CUL1: variants seen among roughly 807,000 people sequenced by gnomAD.
CUL1 encodes the protein cullin-1.
In CUL1, 24 loss-of-function variants were observed where a neutral mutation model predicts 118.0. The ratio of observed to expected loss-of-function variants is 0.20; its 90% CI spans 0.15 to 0.29. The LOEUF (loss-of-function observed/expected upper bound fraction) is 0.29, where lower values mean the gene tolerates loss of function less well. CUL1 is among the 10% of genes least tolerant of loss of function. CUL1 has a pLI of 1.00. For synonymous variants in CUL1, 332 were observed against 340.4 expected (o/e 0.98, Z 0.27); for missense variants, 361 against 933.8 (o/e 0.39, Z 7.99).
At chr7:148,764,593 G>C (rs1799944461) in intron 7 of CUL1, among the ~76,000 whole-genome samples, 1 of 152,208 alleles carries the variant, frequency 6.6e-6, no homozygotes, top group Admixed American at 6.5e-5. Flanking sequence ...ATGTTTTGCT[G>C]CCTGAGATGA....
At chr7:148,723,265 CGTCT>C (rs1420362380) in intron 1 of CUL1, among the ~76,000 whole-genome samples, 2 of 152,154 alleles carry the variant, frequency 1.3e-5, no homozygotes, top group Non-Finnish European at 2.9e-5. Flanking sequence ...CAGTTTGGGC[CGTCT>C]GTCTGCCGTA....
intron 2 of CUL1, among the ~76,000 whole-genome samples, chr7:148,745,715 C>CA (rs1187221754): frequency 6.9e-6 from 1 of 145,366 alleles, no homozygotes; most frequent in East Asian, 2.2e-4. Flanking sequence ...GGTCAAAGAA[C>CA]AAAACAAGCA....
At chr7:148,710,403 C>A (rs939343163) in intron 1 of CUL1, among the ~76,000 whole-genome samples, 1 of 152,050 alleles carries the variant, frequency 6.6e-6, no homozygotes, top group African/African-American at 2.4e-5. Context: ...AACCCCGTCT[C>A]TACTAAAAAT....
chr7:148,722,188 C>G (rs140896030), intron 1 of CUL1, among the ~76,000 whole-genome samples: 65 of 152,310 alleles, frequency 4.3e-4, no homozygotes, highest in African/African-American at 1.5e-3. Context: ...AGAAGCTCTT[C>G]CTTCCTGAAG....
intron 9 of CUL1, among the ~76,000 whole-genome samples, chr7:148,783,117 G>A (rs1382134127): frequency 4.6e-5 from 7 of 151,370 alleles, no homozygotes; most frequent in Non-Finnish European, 7.4e-5. Flanking sequence ...ACTTAGCTCC[G>A]TCTCCTTTGC....
At chr7:148,779,071 C>G (rs888889460) in intron 9 of CUL1, among the ~76,000 whole-genome samples, 4 of 152,126 alleles carry the variant, frequency 2.6e-5, no homozygotes, top group Admixed American at 1.3e-4. Flanking sequence ...CTCTTGTATG[C>G]CATATTCGGT....
chr7:148,765,006 TTTTCTA>T (rs1256576783), intron 7 of CUL1, among the ~76,000 whole-genome samples: 1 of 152,232 alleles, frequency 6.6e-6, no homozygotes, highest in Non-Finnish European at 1.5e-5. Flanking sequence ...CTTCAAGCTT[TTTTCTA>T]TTTCTTCATT....
At chr7:148,781,310 T>G (rs568866460) in intron 9 of CUL1, among the ~76,000 whole-genome samples, 4 of 152,214 alleles carry the variant, frequency 2.6e-5, no homozygotes, top group African/African-American at 9.6e-5. Context: ...CTAGAACTCC[T>G]GACGTCATGA....
At chr7:148,719,796 C>T (rs1032751382) in intron 1 of CUL1, among the ~76,000 whole-genome samples, 5 of 152,226 alleles carry the variant, frequency 3.3e-5, no homozygotes, top group South Asian at 2.1e-4. Flanking sequence ...CGTGTCATTA[C>T]GTATTCATAT....
rs1488826748 is a variant in CUL1, at chr7:148,800,487, A to T, written c.2251-15A>T. 6.2e-7 allele frequency: 1 copy of T among 1,606,480 alleles called. No homozygotes were observed. The highest frequency in any genetic ancestry group is 1.7e-5 in the Admixed American group (1 of 59,792). On this transcript the variant is annotated splice_polypyrimidine_tract_variant and intron_variant, in intron 21 of 21. Coordinates refer to ENST00000325222, the MANE Select transcript of CUL1 (RefSeq NM_003592.3). This position sits in a 1 kb window ranked among gnomAD's most constrained non-coding sequence, Gnocchi z 4.6. ...TCTCTTTCACTACCTCTTCCTTTTT[A>T]AAAATAACACCCAGAAATGCATTGA...
intron 2 of CUL1, among the ~76,000 whole-genome samples, chr7:148,750,450 G>A (rs1799451209): frequency 6.6e-6 from 1 of 151,708 alleles, no homozygotes; most frequent in African/African-American, 2.4e-5. Flanking sequence ...CCCTTCCCTA[G>A]CCCCCCGCCC....
At position 148,765,766 on chromosome 7, in the gene CUL1, T is replaced by G. The variant is rs193180121; in HGVS notation, c.790-795T>G. On this transcript the variant is annotated intron_variant, in intron 7 of 21. Transcript: ENST00000325222. ...TTCCTTGCTTTGATAATTTAATAGT[T>G]TCTCTCTAAATTTTTGAACAGTCTG... 2.6e-4 allele frequency among the ~76,000 whole-genome samples: 39 copies of G among 152,374 alleles called. No individual in the cohort carries two copies. In the East Asian group the frequency reaches 6.9e-3, roughly 27 times the overall value.
chr7:148,711,155 T>C (rs1412139341), intron 1 of CUL1, among the ~76,000 whole-genome samples: 2 of 152,216 alleles, frequency 1.3e-5, no homozygotes, highest in East Asian at 3.8e-4. Context: ...TTATTTATTC[T>C]TGACTGATTT....
At chr7:148,708,489 C>T (rs554850347) in intron 1 of CUL1, among the ~76,000 whole-genome samples, 21 of 152,336 alleles carry the variant, frequency 1.4e-4, no homozygotes, top group East Asian at 9.6e-4. Context: ...TCACGCCTGG[C>T]GATGCAGTGC....
chr7:148,764,251 T>A (rs1261112697), intron 7 of CUL1, among the ~76,000 whole-genome samples: 1 of 152,242 alleles, frequency 6.6e-6, no homozygotes, highest in Non-Finnish European at 1.5e-5. Flanking sequence ...GAATTTGACC[T>A]TGGTGTTCTA....
Position 148,757,126 on chromosome 7 carries a change from A to G in CUL1, c.459A>G (p.Arg153=). Reference sequence around the variant, plus strand: ...TTCGCCGTGAATGTGACGAAGGACGAAAAGGAATATATGAAATCTATTCGG... The same window carrying G: ...TTCGCCGTGAATGTGACGAAGGACGGAAAGGAATATATGAAATCTATTCGG... The part of the protein sequence containing the change: ...HWVRRECDEG[R]KGIYEIYSLA... Residue 153 remains arginine (R), a synonymous_variant, in exon 4 of 22, where the codon CGA becomes CGG. Transcript: ENST00000325222. 6.3e-7 allele frequency: 1 copy of G among 1,576,164 alleles called. No homozygotes were observed. The highest frequency in any genetic ancestry group is 2.3e-5 in the East Asian group (1 of 43,420).
In CUL1 at chr7:148,713,518, G is replaced by A. The variant is rs575441275; in HGVS notation, c.-162+14489G>A. 2.0e-5 allele frequency among the ~76,000 whole-genome samples: 3 copies of A among 152,262 alleles called. No homozygotes were observed. The South Asian group carries it at 6.2e-4, about 32-fold the overall frequency. Reference sequence around the variant, plus strand: ...AATATTTAAGGCATTTAGTGCTTGTGTGTGGATTTTTTAGGATTTAAAAGG... The same window carrying A: ...AATATTTAAGGCATTTAGTGCTTGTATGTGGATTTTTTAGGATTTAAAAGG... On this transcript the variant is annotated intron_variant, in intron 1 of 21. Transcript: ENST00000325222.
chr7:148,754,250 GT>G, intron 3 of CUL1, 100 bp downstream of exon 3: 2 of 775,248 alleles, frequency 2.6e-6, no homozygotes, highest in Non-Finnish European at 4.0e-6. Flanking sequence ...ATCTGTTACT[GT>G]TTTAGACACT....
chr7:148,713,651 G>A (rs1447455664), intron 1 of CUL1, among the ~76,000 whole-genome samples: 1 of 152,180 alleles, frequency 6.6e-6, no homozygotes, highest in South Asian at 2.1e-4. Context: ...GTAATGATAT[G>A]TGAGAATTCT....
Sources: allele counts gnomAD v4.1 joint callset (sites outside exome capture counted in the v4.1 genomes callset), GRCh38; gene constraint gnomAD v4.1.1; non-coding constraint Gnocchi (gnomAD v3.1); transcripts MANE v1.5; gene names NCBI Gene and HGNC (gene_info 2026-07-23, HGNC 2026-07-21).